CLIC4: variants seen among roughly 807,000 people sequenced by gnomAD.
CLIC4 encodes CLIC family member 4.
In CLIC4, 13 loss-of-function variants were observed where a neutral mutation model predicts 24.6. The observed-to-expected ratio is 0.53, with a 90% CI of 0.34 to 0.84. The LOEUF (loss-of-function observed/expected upper bound fraction) is 0.84. Among genes scored for constraint, CLIC4 ranks in the 40% least tolerant of loss-of-function variants. The pLI is 0.01. For missense variants in CLIC4, 227 were observed against 301.7 expected (o/e 0.75, Z 1.83); for synonymous variants, 104 against 111.3 (o/e 0.93, Z 0.41).
At chr1:24,802,306 T>G (rs538290647) in intron 2 of CLIC4, among the ~76,000 whole-genome samples, 1 of 152,312 alleles carries the variant, frequency 6.6e-6, no homozygotes, top group East Asian at 1.9e-4. Flanking sequence ...ATAGGTTGAT[T>G]GATATTTGCA....
chr1:24,820,297 C>G lies in CLIC4; in HGVS notation c.308+6078C>G, dbSNP rs528738073. On this transcript the variant is annotated intron_variant, in intron 3 of 5. Coordinates refer to ENST00000374379, the MANE Select transcript of CLIC4 (RefSeq NM_013943.3). ...TTTTTTTTTTTTTTTTTTTTTGAGA[C>G]ATGGTCTTGCTCTGTTGCCCAGGCT... 3.4e-4 allele frequency among the ~76,000 whole-genome samples: 23 copies of G among 67,232 alleles called. No individual in the cohort carries two copies. In the Admixed American group the frequency reaches 4.9e-3, roughly 14 times the overall value. 44.1% of individuals were successfully genotyped at this position (67,232 alleles called of 152,430 possible).
In CLIC4 at chr1:24,745,534, G is replaced by C; in HGVS notation, c.-20G>C. 6.3e-7 allele frequency: 1 copy of C among 1,574,804 alleles called. No homozygotes were observed. Among genetic ancestry groups the C allele is most frequent in the Non-Finnish European group, 8.6e-7 (1 of 1,164,272 alleles). ...AGCAGCAGCAGCCCTCGCCGTTCGCGGAGCGCAGCCGAGCCGGCCATGGCG... is the reference window on the plus strand; with the variant it reads ...AGCAGCAGCAGCCCTCGCCGTTCGCCGAGCGCAGCCGAGCCGGCCATGGCG... On this transcript the variant is annotated 5_prime_UTR_variant, in exon 1 of 6. Transcript: ENST00000374379.
At chr1:24,777,022 A>G (rs2124108290) in intron 1 of CLIC4, among the ~76,000 whole-genome samples, 1 of 152,276 alleles carries the variant, frequency 6.6e-6, no homozygotes, top group East Asian at 1.9e-4. Flanking sequence ...ATGTAAGACT[A>G]TTTTTGTCTT....
At chr1:24,771,921 C>A in intron 1 of CLIC4, 1 of 499,196 alleles carries the variant, frequency 2.0e-6, no homozygotes. Context: ...ATGTTCAGTC[C>A]AGTTTGTATT....
chr1:24,816,442 C>T (rs112875512), intron 3 of CLIC4, among the ~76,000 whole-genome samples: 3,039 of 152,048 alleles, frequency 0.02, 97 homozygotes, highest in African/African-American at 0.07. Context: ...GGGGTTTTGC[C>T]ATTTTGGCCA....
intron 3 of CLIC4, among the ~76,000 whole-genome samples, chr1:24,818,283 TTTTG>T (rs1639690922): frequency 6.6e-6 from 1 of 152,046 alleles, no homozygotes; most frequent in Non-Finnish European, 1.5e-5. Context: ...TTTGGTTTTT[TTTTG>T]TTTGTTTTGT....
At chr1:24,816,232 G>GTTTTTT (rs1403447996) in intron 3 of CLIC4, among the ~76,000 whole-genome samples, 1 of 70,572 alleles carries the variant, frequency 1.4e-5, no homozygotes, top group Non-Finnish European at 2.7e-5. Context: ...ATGAATGTTC[G>GTTTTTT]TGTTTTTTTT....
At chr1:24,763,691 A>G (rs1352099274) in intron 1 of CLIC4, among the ~76,000 whole-genome samples, 2 of 152,094 alleles carry the variant, frequency 1.3e-5, no homozygotes, top group African/African-American at 4.8e-5. Context: ...TTGTTTCCAT[A>G]TGAGCTATCT....
At chr1:24,810,080 A>G (rs1174530197) in intron 2 of CLIC4, among the ~76,000 whole-genome samples, 2 of 152,188 alleles carry the variant, frequency 1.3e-5, no homozygotes, top group African/African-American at 4.8e-5. Flanking sequence ...TTTAAAGTAA[A>G]TGCTAGACAT....
intron 3 of CLIC4, among the ~76,000 whole-genome samples, chr1:24,821,172 A>G (rs1639726996): frequency 6.6e-6 from 1 of 151,562 alleles, no homozygotes; most frequent in African/African-American, 2.4e-5. Flanking sequence ...ACGATACAGC[A>G]AGACCCTGTC....
chr1:24,829,501 G>C (rs1639819052), intron 4 of CLIC4, among the ~76,000 whole-genome samples: 1 of 152,130 alleles, frequency 6.6e-6, no homozygotes, highest in Non-Finnish European at 1.5e-5. Flanking sequence ...TTTCTTTTGT[G>C]GGGATGTATT....
At chr1:24,819,472 T>C (rs1421025547) in intron 3 of CLIC4, among the ~76,000 whole-genome samples, 1 of 152,012 alleles carries the variant, frequency 6.6e-6, no homozygotes, top group Non-Finnish European at 1.5e-5. Flanking sequence ...AGTTTCACTT[T>C]TGTTGCCCAG....
intron 1 of CLIC4, among the ~76,000 whole-genome samples, chr1:24,787,602 T>C (rs1472991091): frequency 1.3e-5 from 2 of 151,998 alleles, no homozygotes; most frequent in Non-Finnish European, 2.9e-5. Context: ...AGTGGCGCGA[T>C]CTCTGCTCAC....
intron 1 of CLIC4, among the ~76,000 whole-genome samples, chr1:24,745,960 C>G (rs1338286389): frequency 4.7e-5 from 7 of 150,378 alleles, no homozygotes; most frequent in Non-Finnish European, 1.0e-4. Flanking sequence ...GCCGGGCGCG[C>G]GCGGGTCCTG....
At chr1:24,749,107 G>A (rs892097468) in intron 1 of CLIC4, among the ~76,000 whole-genome samples, 1 of 151,908 alleles carries the variant, frequency 6.6e-6, no homozygotes, top group Non-Finnish European at 1.5e-5. Context: ...CCAGCTACTC[G>A]GGAGACTGAG....
intron 2 of CLIC4, among the ~76,000 whole-genome samples, chr1:24,811,499 G>T (rs770266770): frequency 1.2e-4 from 18 of 151,684 alleles, no homozygotes; most frequent in Admixed American, 5.3e-4. Context: ...TTGAGACAGG[G>T]TCTCACTCTG....
chr1:24,825,350 A>G (rs1043758409), intron 3 of CLIC4, among the ~76,000 whole-genome samples: 1 of 152,324 alleles, frequency 6.6e-6, no homozygotes, highest in African/African-American at 2.4e-5. Context: ...CAGTACAAAC[A>G]TTTAAACTGG....
In CLIC4 at chr1:24,826,993, T is replaced by A; in HGVS notation, c.309-17T>A. The stretch of plus-strand genomic sequence containing the variant: ...ATCTTTGAAGGATCTATAATCCATA[T>A]CACTTTTTCTATTTAGGTACTTAAA... On this transcript the variant is annotated splice_polypyrimidine_tract_variant and intron_variant, in intron 3 of 5. Coordinates refer to ENST00000374379, the MANE Select transcript of CLIC4 (RefSeq NM_013943.3). The A allele has an allele frequency of 6.5e-7, 1 of 1,543,890 alleles. No homozygotes were observed. Among genetic ancestry groups the A allele is most frequent in the South Asian group, 1.2e-5 (1 of 86,282 alleles).
intron 4 of CLIC4, among the ~76,000 whole-genome samples, chr1:24,835,623 A>G (rs1456245750): frequency 6.6e-6 from 1 of 152,182 alleles, no homozygotes; most frequent in Non-Finnish European, 1.5e-5. Context: ...CAATAATAGC[A>G]TATAGGACAG....
Sources: allele counts gnomAD v4.1 joint callset (sites outside exome capture counted in the v4.1 genomes callset), GRCh38; gene constraint gnomAD v4.1.1; transcripts MANE v1.5; gene names NCBI Gene and HGNC (gene_info 2026-07-23, HGNC 2026-07-21).